The following LUC7L variants were observed in gnomAD, a reference collection of about 807,000 sequenced individuals.
LUC7L encodes putative RNA-binding protein Luc7-like 1.
A neutral mutation model predicts 51.1 loss-of-function variants in LUC7L; 29 were observed. The ratio of observed to expected loss-of-function variants is 0.57; its 90% confidence interval spans 0.42 to 0.77. The LOEUF is 0.77. LUC7L is among the 30% of genes least tolerant of loss of function. LUC7L has a pLI of 0.00. For synonymous variants in LUC7L, 181 were observed against 180.7 expected (o/e 1.00, Z -0.01); for missense variants, 403 against 511.9 (o/e 0.79, Z 2.05).
At chr16:228,226 T>G (rs969537684) in intron 1 of LUC7L, 6 of 1,296,604 alleles carry the variant, frequency 4.6e-6, no homozygotes, top group Non-Finnish European at 6.1e-6. Context: ...TAATGTAGTG[T>G]CTTTTTATTG....
intron 3 of LUC7L, among the ~76,000 whole-genome samples, chr16:212,254 T>C (rs1479747970): frequency 6.6e-6 from 1 of 151,930 alleles, no homozygotes; most frequent in Non-Finnish European, 1.5e-5. Context: ...GATCGTGCCA[T>C]TGCACTCCAA....
rs117644642 is a variant in LUC7L, at chr16:224,484, A to G, written c.156+2758T>C. ...CAGTGAGCTGAGATGGAGCCATTAC[A>G]TTCCAGCCTGGGCAACAAGAGCGAA... On this transcript the variant is annotated intron_variant, in intron 2 of 9. Transcript: ENST00000293872. 8.0e-3 allele frequency among the ~76,000 whole-genome samples: 1,171 copies of G among 146,738 alleles called. 10 individuals carry two copies. Among genetic ancestry groups the G allele is most frequent in the Non-Finnish European group, 0.012 (794 of 66,784 alleles).
chr16:201,629 C>T (rs762616611), intron 5 of LUC7L, among the ~76,000 whole-genome samples: 18 of 151,522 alleles, frequency 1.2e-4, no homozygotes, highest in Non-Finnish European at 2.4e-4. Flanking sequence ...TTAGTAGAGA[C>T]GGAGTATCAC....
intron 5 of LUC7L, among the ~76,000 whole-genome samples, 181 bp from the exon 6 acceptor site, chr16:199,419 C>CT (rs2049255002): frequency 6.6e-6 from 1 of 152,106 alleles, no homozygotes; most frequent in Non-Finnish European, 1.5e-5. Context: ...ATTTAAGAAA[C>CT]GCGGCCAGGC....
Position 229,361 on chromosome 16 carries a change from G to A in LUC7L, c.-22C>T, listed in dbSNP as rs749080714. On this transcript the variant is annotated 5_prime_UTR_variant, in exon 1 of 10. Coordinates refer to ENST00000293872, the MANE Select transcript of LUC7L (RefSeq NM_201412.3). ...ACATGGTAGCCGGCGGAGGCGACGG[G>A]GTCGGCCGCGACGACTTCTCTCAGG... 52 of 1,491,078 alleles carry A rather than the reference G, an allele frequency of 3.5e-5. No homozygotes were observed. Among genetic ancestry groups the A allele is most frequent in the Non-Finnish European group, 4.4e-5 (49 of 1,122,308 alleles). 92.4% of individuals were successfully genotyped at this position (1,491,078 alleles called of 1,614,324 possible).
chr16:190,084 C>T lies in LUC7L; in HGVS notation c.858G>A (p.Glu286=). 1.9e-6 allele frequency: 3 copies of T among 1,613,380 alleles called. No homozygotes were observed. Among genetic ancestry groups the T allele is most frequent in the Middle Eastern group, 1.7e-4 (1 of 6,060 alleles). ...RRRRSRSTSR[E]RRKLSRSRSR... is the part of the protein sequence containing the mutation. Reference sequence around the variant, plus strand: ...ACCGGGACCGGGACAATTTCCGTCGCTCTCGGGAGGTAGATCTTGACCGCC... The same window carrying T: ...ACCGGGACCGGGACAATTTCCGTCGTTCTCGGGAGGTAGATCTTGACCGCC... Residue 286 remains glutamate, a synonymous_variant, in exon 9 of 10, where the codon GAG becomes GAA. Transcript: ENST00000293872.
intron 6 of LUC7L, among the ~76,000 whole-genome samples, chr16:194,157 G>A (rs2049090782): frequency 6.6e-6 from 1 of 151,748 alleles, no homozygotes; most frequent in South Asian, 2.1e-4. Flanking sequence ...TGGATGGAGT[G>A]CAGTGGCGCA....
chr16:190,645 C>T, intron 7 of LUC7L, 75 bp from the exon 8 acceptor site: 1 of 1,361,340 alleles, frequency 7.3e-7, no homozygotes, highest in Non-Finnish European at 1.0e-6. Context: ...TTCGGGGAGG[C>T]CTAGGCAGGC....
At chr16:226,255 C>T (rs1047604390) in intron 2 of LUC7L, among the ~76,000 whole-genome samples, 21 of 152,158 alleles carry the variant, frequency 1.4e-4, no homozygotes, top group African/African-American at 4.8e-4. Flanking sequence ...AATGATTCAT[C>T]ATGAAGAAAA....
chr16:204,964 G>A (rs532932046), intron 5 of LUC7L, among the ~76,000 whole-genome samples: 20 of 152,230 alleles, frequency 1.3e-4, no homozygotes, highest in African/African-American at 3.4e-4. Context: ...CTGCTCCTTC[G>A]GAGATGATGA....
chr16:227,274 C>G lies in LUC7L; in HGVS notation c.124G>C (p.Asp42His), dbSNP rs2050155721. The G allele has an allele frequency of 6.2e-7, 1 of 1,612,984 alleles. No homozygotes were observed. Among genetic ancestry groups the G allele is most frequent in the Non-Finnish European group, 8.5e-7 (1 of 1,179,552 alleles). ...GCCAGGATGTCATGGGGGCAGCAGTCCAGAAGGTGACTCTTGCAGACACGG... is the reference window on the plus strand; with the variant it reads ...GCCAGGATGTCATGGGGGCAGCAGTGCAGAAGGTGACTCTTGCAGACACGG... ...DDRVCKSHLLDCCPHDILAGT... is the reference protein window; with the variant it reads ...DDRVCKSHLLHCCPHDILAGT... The change falls in exon 2 of 10, where the codon GAC (aspartate) becomes CAC (histidine). Residue 42 changes from aspartate to histidine, a missense_variant. Physicochemically the swap from Asp to His is moderately conservative, Grantham distance 81. Coordinates refer to ENST00000293872, the MANE Select transcript of LUC7L (RefSeq NM_201412.3).
chr16:198,427 G>C (rs1455792878), intron 6 of LUC7L, among the ~76,000 whole-genome samples: 1 of 152,034 alleles, frequency 6.6e-6, no homozygotes, highest in African/African-American at 2.4e-5. Flanking sequence ...CATAGGCAAG[G>C]AGCCAGGATG....
chr16:198,215 C>G (rs1275840630), intron 6 of LUC7L, among the ~76,000 whole-genome samples: 1 of 128,378 alleles, frequency 7.8e-6, no homozygotes, highest in African/African-American at 3.0e-5. Context: ...GGAGGCGGAG[C>G]TTGCAGTAAG....
chr16:193,150 A>G (rs951610121), intron 6 of LUC7L, 135 bp from the exon 7 acceptor site: 54 of 753,490 alleles, frequency 7.2e-5, no homozygotes, highest in Non-Finnish European at 1.1e-4. Context: ...GGAAATGGGA[A>G]TACTTTTTTT....
At chr16:222,156 C>T (rs1174793942) in intron 2 of LUC7L, among the ~76,000 whole-genome samples, 1 of 152,058 alleles carries the variant, frequency 6.6e-6, no homozygotes, top group Non-Finnish European at 1.5e-5. Flanking sequence ...TAATCTAAAT[C>T]CTAAGTATAG....
intron 6 of LUC7L, among the ~76,000 whole-genome samples, chr16:198,541 C>G (rs1216781513): frequency 6.6e-6 from 1 of 152,122 alleles, no homozygotes; most frequent in East Asian, 1.9e-4. Context: ...ACAGGCTCTG[C>G]CATTTTCTTC....
chr16:189,565 A>G, intron 9 of LUC7L: 1 of 1,385,144 alleles, frequency 7.2e-7, no homozygotes, highest in Non-Finnish European at 9.3e-7. Flanking sequence ...CTTCACTGTA[A>G]CATAAACAGT....
At chr16:195,722 C>A (rs944887584) in intron 6 of LUC7L, among the ~76,000 whole-genome samples, 4 of 152,132 alleles carry the variant, frequency 2.6e-5, no homozygotes, top group Non-Finnish European at 5.9e-5. Flanking sequence ...CACACCCAGC[C>A]TCAAGGATGG....
chr16:212,761 G>A (rs2049680216), intron 3 of LUC7L, among the ~76,000 whole-genome samples: 1 of 152,024 alleles, frequency 6.6e-6, no homozygotes, highest in Non-Finnish European at 1.5e-5. Flanking sequence ...TTTTCAACAT[G>A]TGAACACTAA....
Sources: gnomAD v4.1 joint callset for allele counts (sites outside exome capture counted in the v4.1 genomes callset) on GRCh38, gnomAD v4.1.1 for gene constraint, MANE v1.5 for transcripts, NCBI Gene and HGNC (gene_info 2026-07-23, HGNC 2026-07-21) for gene names.